The following DRAM2 variants were observed in gnomAD, a reference collection of about 807,000 sequenced individuals.
The protein encoded by DRAM2 is DNA damage-regulated autophagy modulator protein 2.
DRAM2 carries 26 observed loss-of-function variants against 33.5 expected under a neutral mutation model. The ratio of observed to expected loss-of-function variants is 0.78; its 90% confidence interval spans 0.57 to 1.08. The LOEUF (loss-of-function observed/expected upper bound fraction) is 1.08. Ranked by LOEUF, DRAM2 falls within the 50% of genes least tolerant of loss-of-function variation. The pLI, the probability that DRAM2 is intolerant of heterozygous loss-of-function variation, is 0.00. For synonymous variants in DRAM2, 98 were observed against 109.5 expected, an observed-to-expected ratio of 0.89 and a Z score of 0.66; for missense variants, 311 against 318.1, an observed-to-expected ratio of 0.98 and a Z score of 0.17.
chr1:111,133,335 G>A (rs1266310644), intron 3 of DRAM2, among the ~76,000 whole-genome samples: 1 of 152,002 alleles, frequency 6.6e-6, no homozygotes, highest in African/African-American at 2.4e-5. Context: ...CTGCCACCAC[G>A]TCCGGCTAAT....
rs776287568 is a variant in DRAM2 at position 111,118,910 on chromosome 1, A to G, written c.601-13T>C. Reference sequence around the variant, plus strand: ...GAAGCACATAACCCTGAGTGATGGGAAAAAAAGAATAGTTTTGTGAAATTT... The same window carrying G: ...GAAGCACATAACCCTGAGTGATGGGGAAAAAAGAATAGTTTTGTGAAATTT... On this transcript the variant is annotated splice_polypyrimidine_tract_variant and intron_variant, in intron 8 of 9. Transcript: ENST00000484310. 3.0e-5 allele frequency: 47 copies of G among 1,566,856 alleles called. No homozygotes were observed. Among genetic ancestry groups the G allele is most frequent in the Non-Finnish European group, 3.9e-5 (45 of 1,149,134 alleles).
At chr1:111,125,744 T>G (rs1650888155) in intron 5 of DRAM2, 1 of 152,386 alleles carries the variant, frequency 6.6e-6, no homozygotes, top group African/African-American at 2.4e-5. Context: ...TAATAAAAAT[T>G]TGGTTCAAAA....
chr1:111,125,776 TC>T (rs1650891133), intron 5 of DRAM2: 1 of 152,930 alleles, frequency 6.5e-6, no homozygotes, highest in Non-Finnish European at 1.5e-5. Context: ...ATGAAATACT[TC>T]AGTAGCAACT....
intron 6 of DRAM2, among the ~76,000 whole-genome samples, chr1:111,121,675 C>T (rs987264652): frequency 5.9e-5 from 9 of 152,142 alleles, no homozygotes; most frequent in African/African-American, 9.6e-5. Context: ...CAAATACCAT[C>T]TTATAGCAAT....
chr1:111,122,520 T>C (rs1356586899), intron 6 of DRAM2: 1 of 152,220 alleles, frequency 6.6e-6, no homozygotes, highest in Non-Finnish European at 1.5e-5. Context: ...AAACCATTTA[T>C]AGACCTGGTT....
In DRAM2 at chr1:111,118,841, G is replaced by T; in HGVS notation, c.657C>A (p.Phe219Leu). 1 of 1,610,052 alleles carries T rather than the reference G, an allele frequency of 6.2e-7. No individual in the cohort carries two copies. The highest frequency in any genetic ancestry group is 1.1e-5 in the South Asian group (1 of 90,742). ...TAAEWSMSFS[F>L]FGFFLTYIRD... is the part of the protein sequence containing the mutation. ...GAATGTAAGTCAGGAAAAAACCAAA[G>T]AAGGAAAATGACATAGACCATTCTG... is the stretch of plus-strand genomic sequence containing the variant. Residue 219 changes from phenylalanine to leucine, a missense_variant, in exon 9 of 10, where the codon TTC becomes TTA. By Grantham distance (22) the Phe-to-Leu change is conservative. Coordinates refer to ENST00000484310, the MANE Select transcript of DRAM2 (RefSeq NM_001349884.2).
chr1:111,131,701 C>G, intron 3 of DRAM2, 133 bp from the exon 4 acceptor site: 1 of 757,660 alleles, frequency 1.3e-6, no homozygotes, highest in Non-Finnish European at 2.1e-6. Context: ...TCATGCCATA[C>G]CCCAATACTC....
At chr1:111,125,968 C>T (rs601109) in intron 5 of DRAM2, among the ~76,000 whole-genome samples, 37,835 of 152,040 alleles carry the variant, frequency 0.25, 5,843 homozygotes, top group African/African-American at 0.42. Context: ...CAAGGAATAT[C>T]TGGTTAGACT....
intron 3 of DRAM2, among the ~76,000 whole-genome samples, chr1:111,136,532 C>T (rs961588346): frequency 9.2e-5 from 14 of 151,950 alleles, no homozygotes; most frequent in Admixed American, 4.6e-4. Flanking sequence ...TTGCAATGAG[C>T]TGAGATTGTG....
At chr1:111,120,001 C>G in intron 7 of DRAM2, 42 bp from the exon 8 acceptor site, 1 of 1,539,186 alleles carries the variant, frequency 6.5e-7, no homozygotes, top group Non-Finnish European at 9.0e-7. Context: ...GAGACGATCT[C>G]AGAGAACAAA....
intron 4 of DRAM2, 123 bp downstream of exon 4, chr1:111,131,301 T>G (rs946336173): frequency 3.5e-5 from 38 of 1,088,564 alleles, no homozygotes; most frequent in Non-Finnish European, 4.8e-5. Flanking sequence ...TTATATTCCC[T>G]TTATTGTTGT....
At chr1:111,120,380 A>G in intron 7 of DRAM2, 136 bp downstream of exon 7, 1 of 341,526 alleles carries the variant, frequency 2.9e-6, no homozygotes, top group Non-Finnish European at 4.3e-6. Flanking sequence ...AATCTCTCCT[A>G]CAAAAAAAAA....
In DRAM2 at chr1:111,119,906, G is replaced by A. The variant is rs745473812; in HGVS notation, c.571C>T (p.Gln191Ter). ...HSGNFGTDLEQKLHWNPEDKG... is the reference protein window; with the variant it reads ...HSGNFGTDLE The stretch of plus-strand genomic sequence containing the variant: ...TCCTCGGGGTTCCAATGGAGTTTCT[G>A]TTCTAAATCAGTCCCAAAATTGCCA... The change falls in exon 8 of 10, where the codon CAG becomes TAG. Residue 191 changes from glutamine to a stop codon, truncating the protein, a stop_gained. Transcript: ENST00000484310. LOFTEE classifies it high-confidence loss of function. 9.3e-6 allele frequency: 15 copies of A among 1,612,750 alleles called. No individual in the cohort carries two copies. The highest frequency in any genetic ancestry group is 1.3e-5 in the Non-Finnish European group (15 of 1,179,172).
At chr1:111,128,391 G>T (rs1651441765) in intron 4 of DRAM2, among the ~76,000 whole-genome samples, 1 of 152,038 alleles carries the variant, frequency 6.6e-6, no homozygotes, top group African/African-American at 2.4e-5. Context: ...AGCAGAAGAG[G>T]CAGAACAGAA....
intron 3 of DRAM2, among the ~76,000 whole-genome samples, chr1:111,133,843 A>G (rs1398872406): frequency 6.6e-6 from 1 of 152,206 alleles, no homozygotes; most frequent in African/African-American, 2.4e-5. Context: ...CTACCTACCC[A>G]GTTAACTTTT....
chr1:111,127,738 G>T (rs1355135505), intron 4 of DRAM2, among the ~76,000 whole-genome samples: 3 of 152,020 alleles, frequency 2.0e-5, no homozygotes, highest in African/African-American at 7.3e-5. Context: ...AAGATGGTTG[G>T]CTAAGAGTGT....
chr1:111,139,284 GT>G (rs1653973582), intron 2 of DRAM2, among the ~76,000 whole-genome samples: 1 of 152,206 alleles, frequency 6.6e-6, no homozygotes, highest in Non-Finnish European at 1.5e-5. Flanking sequence ...TTTCTACAGT[GT>G]TTTGTGTTTT....
At position 111,124,741 on chromosome 1, in the gene DRAM2, C is replaced by A. The variant is rs1312303384; in HGVS notation, c.339+1G>T. 3 of 1,612,994 alleles carry A rather than the reference C, an allele frequency of 1.9e-6. No individual in the cohort carries two copies. Among genetic ancestry groups the A allele is most frequent in the Non-Finnish European group, 2.5e-6 (3 of 1,179,498 alleles). ...TACCTATGCTGGGCTAAAACACAAACCTGGAAGTTTGCCACAATAGAAAGT... is the reference window on the plus strand; with the variant it reads ...TACCTATGCTGGGCTAAAACACAAAACTGGAAGTTTGCCACAATAGAAAGT... On this transcript the variant is annotated splice_donor_variant, in intron 6 of 9. Transcript: ENST00000484310. LOFTEE classifies it high-confidence loss of function.
At chr1:111,120,752 C>G in intron 6 of DRAM2, 59 bp from the exon 7 acceptor site, 1 of 1,399,322 alleles carries the variant, frequency 7.1e-7, no homozygotes, top group Non-Finnish European at 9.4e-7. Context: ...ATTGGCAACA[C>G]AACATTTAAA....
Sources: allele counts gnomAD v4.1 joint callset (sites outside exome capture counted in the v4.1 genomes callset), GRCh38; gene constraint gnomAD v4.1.1; transcripts MANE v1.5; gene names NCBI Gene and HGNC (gene_info 2026-07-23, HGNC 2026-07-21).